The following MYO3B variants were observed in gnomAD, a reference collection of about 807,000 sequenced individuals.
MYO3B encodes the protein myosin IIIB, also known as myosin-IIIb.
Under a neutral mutation model 174.6 loss-of-function variants are expected in MYO3B, and 156 were observed. The ratio of observed to expected loss-of-function variants is 0.89; its 90% CI spans 0.78 to 1.02. The LOEUF (loss-of-function observed/expected upper bound fraction) is 1.02. MYO3B is among the 50% of genes least tolerant of loss of function. The pLI is 0.00. For missense variants in MYO3B, 1,632 were observed against 1,639.4 expected (o/e 1.00, Z 0.08); for synonymous variants, 563 against 569.1 (o/e 0.99, Z 0.15).
At chr2:170,379,340 G>C (rs191631816) in intron 9 of MYO3B, among the ~76,000 whole-genome samples, 5 of 151,940 alleles carry the variant, frequency 3.3e-5, no homozygotes, top group Non-Finnish European at 7.4e-5. Context: ...GGCTACAGGC[G>C]TGCACCACCA....
At chr2:170,381,627 A>G (rs1294078572) in intron 9 of MYO3B, among the ~76,000 whole-genome samples, 1 of 152,264 alleles carries the variant, frequency 6.6e-6, no homozygotes, top group African/African-American at 2.4e-5. Flanking sequence ...GTGCTGGTAG[A>G]TAAAGCAAGG....
intron 22 of MYO3B, among the ~76,000 whole-genome samples, chr2:170,412,829 C>T (rs1453886942): frequency 6.6e-6 from 1 of 152,338 alleles, no homozygotes; most frequent in East Asian, 1.9e-4. Context: ...ATAGTGCTGG[C>T]TCTTCCTGAA....
chr2:170,333,662 T>C (rs200238734), intron 7 of MYO3B, among the ~76,000 whole-genome samples: 1 of 152,142 alleles, frequency 6.6e-6, no homozygotes, highest in East Asian at 1.9e-4. Flanking sequence ...TTGGTACGTA[T>C]TGTTTTCTGA....
intron 5 of MYO3B, among the ~76,000 whole-genome samples, chr2:170,215,236 A>G (rs1224333033): frequency 2.0e-5 from 3 of 152,268 alleles, no homozygotes; most frequent in Admixed American, 6.5e-5. Context: ...ATTCCCAGGG[A>G]GCAGAAGGTA....
At chr2:170,461,197 G>A (rs566027088) in intron 23 of MYO3B, among the ~76,000 whole-genome samples, 6 of 152,250 alleles carry the variant, frequency 3.9e-5, no homozygotes, top group African/African-American at 1.2e-4. Flanking sequence ...TGCTGAGGCC[G>A]GGTGAGGTGA....
intron 32 of MYO3B, among the ~76,000 whole-genome samples, chr2:170,621,935 T>C (rs1433010970): frequency 6.6e-6 from 1 of 152,164 alleles, no homozygotes; most frequent in Non-Finnish European, 1.5e-5. Flanking sequence ...TTTAAACCCT[T>C]TGAATGTAGG....
chr2:170,622,559 C>T (rs1229849878), intron 32 of MYO3B, among the ~76,000 whole-genome samples: 1 of 149,790 alleles, frequency 6.7e-6, no homozygotes, highest in Non-Finnish European at 1.5e-5. Context: ...TTCTTACATT[C>T]TTTTATAATA....
intron 21 of MYO3B, among the ~76,000 whole-genome samples, chr2:170,405,853 C>T (rs960887056): frequency 1.5e-4 from 23 of 152,212 alleles, no homozygotes; most frequent in Non-Finnish European, 2.9e-5. Context: ...CACAGTGTTG[C>T]CATCTGCTTC....
rs2093662980 is a variant in MYO3B at position 170,301,180 on chromosome 2, T to TGACCACAG, written c.750-34202_750-34195dup. ...TGGTGAGCACTCAGCTTGACTGTAA[T>TGACCACAG]GACCACAGGATCCTGAGTTATCTGC... On this transcript the variant is annotated intron_variant, in intron 7 of 34. Coordinates refer to ENST00000408978, the MANE Select transcript of MYO3B (RefSeq NM_138995.5). 7.2e-5 allele frequency among the ~76,000 whole-genome samples: 11 copies of TGACCACAG among 152,368 alleles called. No homozygotes were observed. The South Asian group carries it at 2.3e-3, about 32-fold the overall frequency.
chr2:170,198,560 G>C (rs1178668359), intron 1 of MYO3B, among the ~76,000 whole-genome samples: 1 of 152,152 alleles, frequency 6.6e-6, no homozygotes, highest in Non-Finnish European at 1.5e-5. Context: ...CAGTAGTTTT[G>C]CGTAACTACA....
intron 7 of MYO3B, among the ~76,000 whole-genome samples, chr2:170,315,105 G>T (rs2093766098): frequency 6.6e-6 from 1 of 152,152 alleles, no homozygotes; most frequent in Admixed American, 6.5e-5. Flanking sequence ...GTTGGTTTAT[G>T]ATTCTCACAA....
At chr2:170,401,812 T>TTTTTC (rs2094478882) in intron 18 of MYO3B, 121 bp downstream of exon 18, 1 of 995,552 alleles carries the variant, frequency 1.0e-6, no homozygotes, top group Non-Finnish European at 1.4e-6. Context: ...CTTTTTTTTT[T>TTTTTC]TTTTTGTGGA....
intron 32 of MYO3B, among the ~76,000 whole-genome samples, chr2:170,547,279 G>A (rs923440910): frequency 1.3e-5 from 2 of 151,046 alleles, no homozygotes; most frequent in East Asian, 1.9e-4. Context: ...GCAGTGAGCC[G>A]AGATCGCGCC....
intron 14 of MYO3B, 82 bp from the exon 15 acceptor site, chr2:170,391,438 T>G: frequency 1.5e-6 from 1 of 648,824 alleles, no homozygotes; most frequent in East Asian, 3.1e-5. Flanking sequence ...GGAATAATCT[T>G]TTGTACAGAA....
intron 34 of MYO3B, 148 bp downstream of exon 34, chr2:170,652,302 A>G: frequency 2.8e-6 from 2 of 701,860 alleles, no homozygotes; most frequent in Non-Finnish European, 4.7e-6. Context: ...ATTACTTTTC[A>G]CAGTAGCAAG....
chr2:170,582,501 A>G (rs565877355), intron 32 of MYO3B, among the ~76,000 whole-genome samples: 56 of 152,266 alleles, frequency 3.7e-4, no homozygotes, highest in African/African-American at 1.3e-3. Flanking sequence ...GGCTGCCAAG[A>G]TGGCCCCTCC....
chr2:170,447,249 G>A (rs753247873), intron 23 of MYO3B, among the ~76,000 whole-genome samples: 3 of 152,198 alleles, frequency 2.0e-5, no homozygotes, highest in Non-Finnish European at 2.9e-5. Flanking sequence ...GCACTGCACA[G>A]TCAGTTTTCA....
chr2:170,318,256 G>C (rs2093789686), intron 7 of MYO3B, among the ~76,000 whole-genome samples: 1 of 152,212 alleles, frequency 6.6e-6, no homozygotes, highest in African/African-American at 2.4e-5. Flanking sequence ...ACTTTCCTTA[G>C]ATTGACCAAA....
intron 32 of MYO3B, among the ~76,000 whole-genome samples, chr2:170,587,753 A>G (rs916261273): frequency 6.6e-6 from 1 of 152,242 alleles, no homozygotes; most frequent in Admixed American, 6.5e-5. Flanking sequence ...GCCAGACCTG[A>G]CTACAGTGTT....
Sources: gnomAD v4.1 joint callset for allele counts (sites outside exome capture counted in the v4.1 genomes callset) on GRCh38, gnomAD v4.1.1 for gene constraint, MANE v1.5 for transcripts, NCBI Gene and HGNC (gene_info 2026-07-23, HGNC 2026-07-21) for gene names.